The following PCGF3 variants were observed in gnomAD, a reference collection of about 807,000 sequenced individuals.
The protein encoded by PCGF3 is polycomb group RING finger protein 3.
Under a neutral mutation model 33.1 loss-of-function variants are expected in PCGF3, and 7 were observed. The observed-to-expected ratio is 0.21, with a 90% CI of 0.12 to 0.40. PCGF3 has a LOEUF of 0.40. PCGF3 is among the 10% of genes least tolerant of loss of function. PCGF3 has a pLI of 1.00. For synonymous variants in PCGF3, 153 were observed against 121.3 expected, an observed-to-expected ratio of 1.26 and a Z score of -1.72; for missense variants, 211 against 313.3, an observed-to-expected ratio of 0.67 and a Z score of 2.46.
intron 8 of PCGF3, among the ~76,000 whole-genome samples, chr4:752,121 C>G (rs1161343304): frequency 6.6e-6 from 1 of 152,236 alleles, no homozygotes; most frequent in Non-Finnish European, 1.5e-5. Flanking sequence ...AAGATGGTGC[C>G]CCCTGCACAG....
chr4:733,830 T>C (rs1296921110), intron 4 of PCGF3, 41 bp downstream of exon 4: 3 of 1,613,470 alleles, frequency 1.9e-6, no homozygotes, highest in Non-Finnish European at 1.7e-6. Context: ...GGCGCGCCCT[T>C]CCCAGCTCTG....
intron 8 of PCGF3, among the ~76,000 whole-genome samples, chr4:760,950 T>C (rs556590482): frequency 6.6e-6 from 1 of 152,220 alleles, no homozygotes; most frequent in Admixed American, 6.5e-5. Flanking sequence ...CTTTGCGCCA[T>C]GTTTGTCCGG....
intron 1 of PCGF3, among the ~76,000 whole-genome samples, chr4:715,512 T>C (rs2109528016): frequency 7.0e-6 from 1 of 142,948 alleles, no homozygotes; most frequent in East Asian, 2.2e-4. Context: ...GTGGGAGAAC[T>C]GGGCGTCGGT....
chr4:758,827 G>T (rs1232238833), intron 8 of PCGF3, among the ~76,000 whole-genome samples: 1 of 16,122 alleles, frequency 6.2e-5, no homozygotes, highest in East Asian at 1.6e-3. Context: ...CGGACTCCGG[G>T]TCTTTCTCCC....
intron 1 of PCGF3, among the ~76,000 whole-genome samples, chr4:716,878 C>G (rs1377379884): frequency 2.3e-5 from 3 of 130,746 alleles, no homozygotes; most frequent in Non-Finnish European, 3.2e-5. Context: ...AACTGGGCGT[C>G]GGTGCTGGGC....
At chr4:761,531 CA>C in intron 9 of PCGF3, 115 bp downstream of exon 9, 3 of 1,423,908 alleles carry the variant, frequency 2.1e-6, no homozygotes, top group South Asian at 2.9e-5. Context: ...AGATTTTAAC[CA>C]GAAAAAAATC....
intron 3 of PCGF3, among the ~76,000 whole-genome samples, chr4:733,302 C>G (rs146255462): frequency 6.6e-6 from 1 of 152,266 alleles, no homozygotes; most frequent in African/African-American, 2.4e-5. Context: ...GCTCTGCCTT[C>G]GCGGGCTCCT....
intron 8 of PCGF3, among the ~76,000 whole-genome samples, chr4:753,921 G>A (rs190829419): frequency 3.3e-4 from 51 of 152,316 alleles, no homozygotes; most frequent in African/African-American, 1.2e-3. Context: ...TAACAAGAGC[G>A]AGACTCTGAC....
At chr4:717,760 C>G (rs539275240) in intron 1 of PCGF3, among the ~76,000 whole-genome samples, 1 of 152,318 alleles carries the variant, frequency 6.6e-6, no homozygotes, top group South Asian at 2.1e-4. Flanking sequence ...TGCAGGAGGG[C>G]GTGTTCTGGG....
chr4:737,881 C>T (rs1055574263), intron 6 of PCGF3, among the ~76,000 whole-genome samples: 3 of 152,246 alleles, frequency 2.0e-5, no homozygotes, highest in Non-Finnish European at 4.4e-5. Flanking sequence ...CCAGCTTCCC[C>T]ACAACAGAGG....
In PCGF3 at chr4:721,684, C is replaced by T. The variant is rs561113258; in HGVS notation, c.-189-8946C>T. Among the ~76,000 whole-genome samples, 153 of 151,808 alleles carry T rather than the reference C, an allele frequency of 1.0e-3. No homozygotes were observed. Among genetic ancestry groups the T allele is most frequent in the African/African-American group, 3.6e-3 (148 of 41,382 alleles). ...ACCCTTAGGGAGACGGGTGGCTCTG[C>T]GTGTGGGTGTGGAGAGAGGCCTGTG... On this transcript the variant is annotated intron_variant, in intron 1 of 10. Coordinates refer to ENST00000362003, the Ensembl canonical transcript of PCGF3. The surrounding 1 kb of genome is among the most constrained non-coding windows in gnomAD (Gnocchi z 4.1).
intron 8 of PCGF3, among the ~76,000 whole-genome samples, chr4:747,642 G>A (rs1284352118): frequency 2.9e-5 from 3 of 102,872 alleles, no homozygotes; most frequent in Admixed American, 1.9e-4. Context: ...CCGTGGAGGC[G>A]TGAGCAGGTG....
At position 750,839 on chromosome 4, in the gene PCGF3, C is replaced by CTT. The variant is rs111638882; in HGVS notation, c.462+6159_462+6160dup. Among the ~76,000 whole-genome samples the CTT allele has an allele frequency of 1.3e-3, 193 of 151,222 alleles. 1 individual carries two copies. Among genetic ancestry groups the CTT allele is most frequent in the Middle Eastern group, 0.01 (3 of 294 alleles). The stretch of plus-strand genomic sequence containing the variant: ...CTTGCACCTTTTGCCAGTGTGGATT[C>CTT]TTTTTTTTTCTTTTTTCCTGTTCAG... On this transcript the variant is annotated intron_variant, in intron 8 of 10. Coordinates refer to ENST00000362003, the Ensembl canonical transcript of PCGF3.
At chr4:755,928 T>C (rs1364248648) in intron 8 of PCGF3, among the ~76,000 whole-genome samples, 2 of 116,032 alleles carry the variant, frequency 1.7e-5, no homozygotes, top group Non-Finnish European at 3.6e-5. Flanking sequence ...TTTTTTTTTT[T>C]TTTTGGAGAT....
At chr4:711,532 ACTGCAAGCTCCGC>A (rs1742570535) in intron 1 of PCGF3, among the ~76,000 whole-genome samples, 1 of 137,278 alleles carries the variant, frequency 7.3e-6, no homozygotes, top group Admixed American at 7.8e-5. Flanking sequence ...ATCTCGGCTC[ACTGCAAGCTCCGC>A]TTCCCGGGTT....
intron 8 of PCGF3, among the ~76,000 whole-genome samples, chr4:760,698 G>C (rs1745004790): frequency 6.6e-6 from 1 of 152,212 alleles, no homozygotes; most frequent in Non-Finnish European, 1.5e-5. Flanking sequence ...AAGCCGGCCG[G>C]GCCCTTGGGT....
At chr4:752,850 C>T (rs572037845) in intron 8 of PCGF3, among the ~76,000 whole-genome samples, 8 of 152,382 alleles carry the variant, frequency 5.2e-5, no homozygotes, top group East Asian at 3.9e-4. Context: ...TCCAAACACT[C>T]GGCCTCCGCC....
chr4:768,126 T>A (rs1316258841), exon 11 of PCGF3: 2 of 152,686 alleles, frequency 1.3e-5, no homozygotes, highest in African/African-American at 2.4e-5. Flanking sequence ...GCTGATAGAT[T>A]TAAATACACA....
chr4:728,579 C>T (rs770993622), intron 1 of PCGF3, among the ~76,000 whole-genome samples: 1 of 152,230 alleles, frequency 6.6e-6, no homozygotes. Flanking sequence ...CGTCCTGGAA[C>T]TAGTCCCCCA....
Sources: allele counts gnomAD v4.1 joint callset (sites outside exome capture counted in the v4.1 genomes callset), GRCh38; gene constraint gnomAD v4.1.1; non-coding constraint Gnocchi (gnomAD v3.1); transcripts MANE v1.5; gene names NCBI Gene and HGNC (gene_info 2026-07-23, HGNC 2026-07-21).